The following UIMC1 variants were observed in gnomAD, a reference collection of about 807,000 sequenced individuals.
UIMC1 encodes the protein BRCA1-A complex subunit RAP80.
Under a neutral mutation model 84.9 loss-of-function variants are expected in UIMC1, and 42 were observed. The ratio of observed to expected loss-of-function variants is 0.49; its 90% CI spans 0.39 to 0.64. The LOEUF (loss-of-function observed/expected upper bound fraction) is 0.64. Ranked by LOEUF, UIMC1 falls within the 30% of genes least tolerant of loss-of-function variation. UIMC1 has a pLI of 0.00. For missense variants in UIMC1, 825 were observed against 847.6 expected, an observed-to-expected ratio of 0.97 and a Z score of 0.33; for synonymous variants, 281 against 293.0, an observed-to-expected ratio of 0.96 and a Z score of 0.42.
At chr5:176,927,485 C>T (rs997172602) in intron 10 of UIMC1, among the ~76,000 whole-genome samples, 3 of 151,890 alleles carry the variant, frequency 2.0e-5, no homozygotes, top group African/African-American at 4.8e-5. Context: ...AACTCCTGAC[C>T]GCAAGTGATT....
Position 176,982,630 on chromosome 5 carries a change from T to C in UIMC1, c.-8-7A>G, listed in dbSNP as rs1771226665. The C allele has an allele frequency of 1.2e-6, 2 of 1,605,300 alleles. No individual in the cohort carries two copies. The highest frequency in any genetic ancestry group is 2.7e-5 in the African/African-American group (2 of 74,086). Reference sequence around the variant, plus strand: ...CTCCGTGGCATCCTTTTGTCTAGAATAAAAGGACAATAATTTTGTCTAGAA... The same window carrying C: ...CTCCGTGGCATCCTTTTGTCTAGAACAAAAGGACAATAATTTTGTCTAGAA... On this transcript the variant is annotated splice_region_variant and splice_polypyrimidine_tract_variant and intron_variant, in intron 1 of 14. Transcript: ENST00000511320.
At position 176,909,618 on chromosome 5, in the gene UIMC1, C is replaced by T. The variant is rs115556951; in HGVS notation, c.1677-924G>A. On this transcript the variant is annotated intron_variant, in intron 11 of 14. Transcript: ENST00000511320. ...GGCCATTATTATTCAGTAACTACAG[C>T]AAGGGAGACTTGGATTAGCTATAAG... 9.1e-3 allele frequency among the ~76,000 whole-genome samples: 1,382 copies of T among 152,256 alleles called. 8 individuals are homozygous for T. The highest frequency in any genetic ancestry group is 0.025 in the South Asian group (119 of 4,816).
intron 1 of UIMC1, among the ~76,000 whole-genome samples, chr5:176,995,537 CAAAAA>C (rs57521139): frequency 2.7e-5 from 1 of 36,562 alleles, no homozygotes; most frequent in African/African-American, 1.0e-4. Context: ...ACTCTGTCTC[CAAAAA>C]AAAAAAAAAA....
chr5:176,905,867 G>A (rs1759294549), intron 14 of UIMC1, 144 bp downstream of exon 14: 11 of 828,404 alleles, frequency 1.3e-5, no homozygotes, highest in Non-Finnish European at 2.0e-5. Context: ...GGAGCACAGA[G>A]TCATACTGAG....
chr5:176,999,847 T>C (rs1256234252), intron 1 of UIMC1, among the ~76,000 whole-genome samples: 1 of 152,226 alleles, frequency 6.6e-6, no homozygotes, highest in East Asian at 1.9e-4. Flanking sequence ...TTGTAAATAG[T>C]GCTACAACAA....
chr5:176,972,272 A>T (rs1394630161), intron 3 of UIMC1, among the ~76,000 whole-genome samples: 1 of 151,866 alleles, frequency 6.6e-6, no homozygotes, highest in African/African-American at 2.4e-5. Context: ...CATGGTGGTG[A>T]GCGCCTATAG....
chr5:176,943,402 T>G lies in UIMC1; in HGVS notation c.1530A>C (p.Gln510His). The G allele has an allele frequency of 1.2e-6, 2 of 1,614,156 alleles. No individual in the cohort carries two copies. Among genetic ancestry groups the G allele is most frequent in the Non-Finnish European group, 1.7e-6 (2 of 1,180,034 alleles). Residue 510 changes from glutamine to histidine, a missense_variant, in exon 10 of 15, where the codon CAA (glutamine) becomes CAC (histidine). By Grantham distance (24) the Gln-to-His change is conservative (BLOSUM62 0). Transcript: ENST00000511320. Reference protein sequence around the residue: ...SNQVSCPLCDQCFPPTKIERH... With the variant: ...SNQVSCPLCDHCFPPTKIERH... ...GTTCAATCTTTGTGGGTGGAAAGCA[T>G]TGGTCACATAGCGGGCAGGATACCT...
intron 2 of UIMC1, among the ~76,000 whole-genome samples, chr5:176,977,223 C>CA (rs1016279747): frequency 0.14 from 9,999 of 71,302 alleles, 866 homozygotes; most frequent in African/African-American, 0.27. Context: ...GATTCTGTCT[C>CA]AAAAAAAAAA....
At chr5:176,929,013 G>A (rs931369595) in intron 10 of UIMC1, among the ~76,000 whole-genome samples, 25 of 152,032 alleles carry the variant, frequency 1.6e-4, no homozygotes, top group African/African-American at 5.8e-4. Context: ...CAGCACTTTC[G>A]GAGGCCAAGG....
At chr5:176,980,271 T>C (rs987390465) in intron 2 of UIMC1, 8 of 152,276 alleles carry the variant, frequency 5.3e-5, no homozygotes, top group African/African-American at 1.7e-4. Context: ...TGTCCATCTG[T>C]CCTTCCATCC....
intron 10 of UIMC1, among the ~76,000 whole-genome samples, chr5:176,917,449 G>A (rs1468358909): frequency 6.6e-6 from 1 of 152,146 alleles, no homozygotes; most frequent in East Asian, 1.9e-4. Context: ...GTGAGTGCCT[G>A]TAACCCCAGC....
intron 10 of UIMC1, among the ~76,000 whole-genome samples, chr5:176,922,659 A>G (rs910406110): frequency 2.0e-5 from 3 of 152,148 alleles, no homozygotes; most frequent in African/African-American, 7.2e-5. Flanking sequence ...GCTTTGATAA[A>G]CCATCTTTGT....
chr5:176,947,275 G>GA, intron 9 of UIMC1, among the ~76,000 whole-genome samples: 1 of 152,120 alleles, frequency 6.6e-6, no homozygotes, highest in Non-Finnish European at 1.5e-5. Context: ...CCTCAAGGGG[G>GA]AAAAAGGCAA....
intron 1 of UIMC1, among the ~76,000 whole-genome samples, chr5:176,999,695 C>A (rs979620415): frequency 6.6e-6 from 1 of 152,112 alleles, no homozygotes; most frequent in African/African-American, 2.4e-5. Flanking sequence ...AACATAATGA[C>A]CTCCAGTTTC....
At chr5:176,927,263 T>C (rs918213689) in intron 10 of UIMC1, among the ~76,000 whole-genome samples, 4 of 151,324 alleles carry the variant, frequency 2.6e-5, no homozygotes, top group Non-Finnish European at 5.9e-5. Flanking sequence ...AATTTCTTTA[T>C]TTTTTTTGGA....
intron 11 of UIMC1, among the ~76,000 whole-genome samples, chr5:176,909,162 CTTCCTTAA>C (rs1759789041): frequency 6.6e-6 from 1 of 152,206 alleles, no homozygotes; most frequent in South Asian, 2.1e-4. Context: ...TATATGCTGA[CTTCCTTAA>C]TTCTACAATC....
At chr5:176,975,530 G>C in intron 2 of UIMC1, 50 bp from the exon 3 acceptor site, 1 of 1,588,762 alleles carries the variant, frequency 6.3e-7, no homozygotes, top group East Asian at 2.2e-5. Flanking sequence ...TAAAAGTAGT[G>C]ATTTCTCTCT....
At chr5:176,969,399 TCTTTGGGTTTA>T (rs1174129157) in intron 5 of UIMC1, 108 bp from the exon 6 acceptor site, 5 of 1,463,032 alleles carry the variant, frequency 3.4e-6, no homozygotes, top group Non-Finnish European at 4.6e-6. Context: ...GAAAGGCTCT[TCTTTGGGTTTA>T]ACCAAATGTT....
At chr5:176,970,512 C>T (rs1318548875) in intron 4 of UIMC1, 108 of 562,870 alleles carry the variant, frequency 1.9e-4, no homozygotes, top group Non-Finnish European at 9.2e-6. Flanking sequence ...CAACCATGAA[C>T]TAAAAAATCC....
Sources: gnomAD v4.1 joint callset for allele counts (sites outside exome capture counted in the v4.1 genomes callset) on GRCh38, gnomAD v4.1.1 for gene constraint, MANE v1.5 for transcripts, NCBI Gene and HGNC (gene_info 2026-07-23, HGNC 2026-07-21) for gene names.